The following TXNRD1 variants were observed in gnomAD, a reference collection of about 807,000 sequenced individuals.
TXNRD1 encodes thioredoxin reductase 1.
In TXNRD1, 57 loss-of-function variants were observed where a neutral mutation model predicts 80.3. The observed-to-expected ratio is 0.71, with a 90% CI of 0.57 to 0.89. The LOEUF is 0.89. Ranked by LOEUF, TXNRD1 falls within the 40% of genes least tolerant of loss-of-function variation. The pLI is 0.00. For synonymous variants in TXNRD1, 291 were observed against 285.2 expected (o/e 1.02, Z -0.20); for missense variants, 730 against 803.0 (o/e 0.91, Z 1.10).
At chr12:104,286,578 C>G (rs1326653447) in intron 3 of TXNRD1, 1 of 366,526 alleles carries the variant, frequency 2.7e-6, no homozygotes, top group Non-Finnish European at 3.8e-6. Context: ...AACTCAATCA[C>G]CTTTGGAGTT....
chr12:104,336,977 T>C (rs759547595), intron 15 of TXNRD1, among the ~76,000 whole-genome samples: 1 of 152,078 alleles, frequency 6.6e-6, no homozygotes, highest in East Asian at 1.9e-4. Flanking sequence ...TTCCTTCACT[T>C]CAAAAGGTAA....
intron 3 of TXNRD1, chr12:104,262,507 T>C (rs2033389488): frequency 6.6e-6 from 1 of 152,202 alleles, no homozygotes; most frequent in African/African-American, 2.4e-5. Context: ...CTGTTTCTTC[T>C]GGGTTCCAAA....
At chr12:104,257,563 C>T (rs868374396) in intron 2 of TXNRD1, among the ~76,000 whole-genome samples, 15 of 151,954 alleles carry the variant, frequency 9.9e-5, no homozygotes, top group Admixed American at 5.3e-4. Context: ...CCCACCACCA[C>T]GCCCGGCTAA....
At chr12:104,292,683 C>T (rs1336523531) in intron 4 of TXNRD1, among the ~76,000 whole-genome samples, 2 of 152,122 alleles carry the variant, frequency 1.3e-5, no homozygotes, top group Non-Finnish European at 2.9e-5. Context: ...TGTGAGCCAC[C>T]ACGCCCGGCT....
intron 16 of TXNRD1, 87 bp downstream of exon 16, chr12:104,339,360 G>A: frequency 9.0e-6 from 14 of 1,558,916 alleles, no homozygotes; most frequent in Non-Finnish European, 1.2e-5. Flanking sequence ...GCAGATGTAG[G>A]ACCCTGAGTT....
At chr12:104,324,885 G>C (rs2035702240) in intron 10 of TXNRD1, among the ~76,000 whole-genome samples, 2 of 152,166 alleles carry the variant, frequency 1.3e-5, no homozygotes, top group African/African-American at 2.4e-5. Flanking sequence ...TGGACCTGCT[G>C]TAATGTAATC....
chr12:104,301,911 T>G (rs1003058269), intron 4 of TXNRD1, among the ~76,000 whole-genome samples: 1 of 152,246 alleles, frequency 6.6e-6, no homozygotes, highest in African/African-American at 2.4e-5. Context: ...CCTTTCAGTG[T>G]GTAGGATTAA....
chr12:104,256,133 A>G (rs1407323661), intron 2 of TXNRD1, among the ~76,000 whole-genome samples: 1 of 152,144 alleles, frequency 6.6e-6, no homozygotes, highest in Non-Finnish European at 1.5e-5. Context: ...TCATTTAACA[A>G]CTGGGATATG....
intron 16 of TXNRD1, among the ~76,000 whole-genome samples, chr12:104,344,674 T>A (rs2036436633): frequency 6.6e-6 from 1 of 152,204 alleles, no homozygotes; most frequent in Admixed American, 6.5e-5. Context: ...TAGAACATAT[T>A]CCTCCTATCT....
In TXNRD1 at chr12:104,331,440, CTT is replaced by C. The variant is rs34005206; in HGVS notation, c.1543-93_1543-92del. 3.8e-3 allele frequency: 2,755 copies of C among 717,846 alleles called. 50 individuals are homozygous for C. The African/African-American group carries it at 0.043, about 11-fold the overall frequency. 44.5% of individuals were successfully genotyped at this position (717,846 alleles called of 1,614,324 possible). On this transcript the variant is annotated intron_variant, in intron 13 of 16. Transcript: ENST00000525566. ...CATACTTTGGTAGAAATTTATTACT[CTT>C]ATATCCTTTGTCAATTTTGACTTTT...
At chr12:104,283,242 C>CT (rs1349776258) in intron 3 of TXNRD1, among the ~76,000 whole-genome samples, 1 of 151,978 alleles carries the variant, frequency 6.6e-6, no homozygotes, top group African/African-American at 2.4e-5. Flanking sequence ...TTCACACTGT[C>CT]TTTTTTGTTT....
At chr12:104,255,167 T>A (rs1222436848) in intron 2 of TXNRD1, among the ~76,000 whole-genome samples, 1 of 152,118 alleles carries the variant, frequency 6.6e-6, no homozygotes, top group East Asian at 1.9e-4. Flanking sequence ...ATTCCAATTT[T>A]AACCCTGCTG....
chr12:104,248,511 C>T (rs1422044827), intron 1 of TXNRD1, among the ~76,000 whole-genome samples: 1 of 152,184 alleles, frequency 6.6e-6, no homozygotes, highest in African/African-American at 2.4e-5. Context: ...TCTCAAACTC[C>T]TAACCTCAGG....
At chr12:104,269,337 AG>A (rs2033603210) in intron 3 of TXNRD1, among the ~76,000 whole-genome samples, 1 of 151,820 alleles carries the variant, frequency 6.6e-6, no homozygotes. Context: ...ACATTAATTC[AG>A]TCATGTCATC....
At position 104,267,178 on chromosome 12, in the gene TXNRD1, A is replaced by T. The variant is rs957535895; in HGVS notation, c.304+9099A>T. ...GAGACTCCCTCTCAAAAAAAAAAAA[A>T]AATAATATAATAATTAATAATAATA... On this transcript the variant is annotated intron_variant, in intron 3 of 16. Coordinates refer to ENST00000525566, the MANE Select transcript of TXNRD1 (RefSeq NM_001093771.3). 9.3e-3 allele frequency among the ~76,000 whole-genome samples: 479 copies of T among 51,494 alleles called. 15 individuals are homozygous for T. Among genetic ancestry groups the T allele is most frequent in the African/African-American group, 0.032 (401 of 12,544 alleles). The allele number at this position is 51,494 out of a possible 152,430, so 33.8% of individuals were successfully genotyped here. A position where few individuals can be genotyped will look rare whatever the true frequency, so the allele number is the denominator to read the frequency against.
intron 1 of TXNRD1, 31 bp downstream of exon 1, chr12:104,215,924 G>T (rs976609268): frequency 1.3e-6 from 2 of 1,531,890 alleles, no homozygotes; most frequent in Non-Finnish European, 1.8e-6. Context: ...CTGGTCCCCA[G>T]GTCGACGGGC....
chr12:104,229,119 T>C (rs2032545422), intron 1 of TXNRD1, among the ~76,000 whole-genome samples: 1 of 151,526 alleles, frequency 6.6e-6, no homozygotes, highest in Non-Finnish European at 1.5e-5. Context: ...TCTCTATAGA[T>C]TTGCCTATTC....
At chr12:104,299,591 A>G (rs976791011) in intron 4 of TXNRD1, among the ~76,000 whole-genome samples, 4 of 151,784 alleles carry the variant, frequency 2.6e-5, no homozygotes, top group African/African-American at 7.3e-5. Flanking sequence ...ACATGCTGAA[A>G]CCCTGTCTCT....
At chr12:104,282,386 C>A (rs2033896616) in intron 3 of TXNRD1, among the ~76,000 whole-genome samples, 1 of 152,194 alleles carries the variant, frequency 6.6e-6, no homozygotes, top group South Asian at 2.1e-4. Flanking sequence ...TTCCCCCTAG[C>A]CCCTTGGCTC....
Sources: allele counts gnomAD v4.1 joint callset (sites outside exome capture counted in the v4.1 genomes callset), GRCh38; gene constraint gnomAD v4.1.1; transcripts MANE v1.5; gene names NCBI Gene and HGNC (gene_info 2026-07-23, HGNC 2026-07-21).